EPHA4: variants seen among roughly 807,000 people sequenced by gnomAD.
EPHA4 encodes ephrin type-A receptor 4.
EPHA4 carries 19 observed loss-of-function variants against 108.3 expected under a neutral mutation model. The ratio of observed to expected loss-of-function variants is 0.18; its 90% confidence interval spans 0.12 to 0.26. EPHA4 has a LOEUF of 0.26. Among genes scored for constraint, EPHA4 ranks in the 10% least tolerant of loss-of-function variants. The pLI is 1.00. For synonymous variants in EPHA4, 449 were observed against 455.5 expected (o/e 0.99, Z 0.18); for missense variants, 917 against 1,254.0 (o/e 0.73, Z 4.06).
chr2:221,424,119 G>GTAATAA (rs200318871), intron 17 of EPHA4, among the ~76,000 whole-genome samples: 10 of 145,632 alleles, frequency 6.9e-5, no homozygotes, highest in Non-Finnish European at 1.4e-4. Context: ...GTCTCAAATA[G>GTAATAA]TAATAATAAT....
At chr2:221,429,621 C>T (rs1690012382) in intron 15 of EPHA4, among the ~76,000 whole-genome samples, 1 of 152,120 alleles carries the variant, frequency 6.6e-6, no homozygotes, top group African/African-American at 2.4e-5. Context: ...AAATATAGCA[C>T]CTACTGATCT....
At chr2:221,473,915 T>C (rs913759616) in intron 5 of EPHA4, among the ~76,000 whole-genome samples, 1 of 152,176 alleles carries the variant, frequency 6.6e-6, no homozygotes, top group Non-Finnish European at 1.5e-5. Flanking sequence ...TGTCAAGTGA[T>C]TACTGGTGAA....
intron 3 of EPHA4, among the ~76,000 whole-genome samples, chr2:221,533,604 G>A (rs531926140): frequency 6.6e-6 from 1 of 151,972 alleles, no homozygotes; most frequent in African/African-American, 2.4e-5. Flanking sequence ...CACGCTGAAC[G>A]AGTTCCAGTC....
intron 2 of EPHA4, among the ~76,000 whole-genome samples, chr2:221,566,027 A>G (rs1474232631): frequency 6.6e-6 from 1 of 152,194 alleles, no homozygotes; most frequent in African/African-American, 2.4e-5. Context: ...CCTTAGTTTT[A>G]TATTTCACAG....
chr2:221,563,940 G>A lies in EPHA4; in HGVS notation c.614C>T (p.Pro205Leu). 1.9e-6 allele frequency: 3 copies of A among 1,614,116 alleles called. No individual in the cohort carries two copies. The highest frequency in any genetic ancestry group is 2.5e-6 in the Non-Finnish European group (3 of 1,180,036). ...CTGGGCCAGATTGCGGACTGTGAGT[G>A]GACACTTTTTATAGAACACACGGAC... is the stretch of plus-strand genomic sequence containing the variant. ...VSVRVFYKKC[P>L]LTVRNLAQFP... The change falls in exon 3 of 18, where the codon CCA becomes CTA. Residue 205 changes from proline (P) to leucine (L), a missense_variant. Physicochemically the swap from Pro to Leu is moderately conservative, Grantham distance 98. Transcript: ENST00000281821.
At chr2:221,543,616 G>C (rs1310818863) in intron 3 of EPHA4, among the ~76,000 whole-genome samples, 1 of 152,120 alleles carries the variant, frequency 6.6e-6, no homozygotes, top group African/African-American at 2.4e-5. Context: ...TTTCTATGCT[G>C]TACTTAGCAG....
At chr2:221,518,971 A>T (rs1043794243) in intron 3 of EPHA4, among the ~76,000 whole-genome samples, 1 of 152,118 alleles carries the variant, frequency 6.6e-6, no homozygotes, top group African/African-American at 2.4e-5. Context: ...AAATATTTAG[A>T]TATGAATAAT....
At chr2:221,527,127 G>A (rs1361144497) in intron 3 of EPHA4, among the ~76,000 whole-genome samples, 5 of 151,638 alleles carry the variant, frequency 3.3e-5, no homozygotes, top group Non-Finnish European at 7.4e-5. Flanking sequence ...CTGTCTAAAG[G>A]AAAAAAAAGA....
chr2:221,466,720 G>A (rs1016995734), intron 5 of EPHA4, among the ~76,000 whole-genome samples: 2 of 152,088 alleles, frequency 1.3e-5, no homozygotes, highest in African/African-American at 2.4e-5. Context: ...CTATGAGACA[G>A]GTACTATTAT....
At chr2:221,558,209 T>C (rs754502938) in intron 3 of EPHA4, among the ~76,000 whole-genome samples, 151 of 152,322 alleles carry the variant, frequency 9.9e-4, no homozygotes, top group Non-Finnish European at 2.0e-3. Flanking sequence ...TGTATATGGC[T>C]ATATTTGAGT....
intron 3 of EPHA4, among the ~76,000 whole-genome samples, chr2:221,533,569 C>T (rs1450374398): frequency 2.6e-5 from 4 of 151,984 alleles, no homozygotes; most frequent in Admixed American, 2.0e-4. Flanking sequence ...AAAGTCAATA[C>T]AGCTTCTAAA....
chr2:221,562,504 A>G (rs1158411070), intron 3 of EPHA4, among the ~76,000 whole-genome samples: 4 of 152,226 alleles, frequency 2.6e-5, no homozygotes, highest in African/African-American at 7.2e-5. Context: ...ATGCCAGACA[A>G]ATTGTTTGGC....
chr2:221,541,993 G>C (rs1693853751), intron 3 of EPHA4, among the ~76,000 whole-genome samples: 1 of 152,134 alleles, frequency 6.6e-6, no homozygotes, highest in South Asian at 2.1e-4. Context: ...TACTCTTATT[G>C]CTGAAGAGAA....
chr2:221,483,961 A>G (rs1423072797), intron 4 of EPHA4, among the ~76,000 whole-genome samples: 1 of 152,196 alleles, frequency 6.6e-6, no homozygotes, highest in Non-Finnish European at 1.5e-5. Flanking sequence ...TCAGTTTGAC[A>G]GTTGGAAAGC....
At chr2:221,514,718 G>A (rs1441623192) in intron 3 of EPHA4, among the ~76,000 whole-genome samples, 1 of 151,996 alleles carries the variant, frequency 6.6e-6, no homozygotes, top group Non-Finnish European at 1.5e-5. Context: ...TTGTTTGTCC[G>A]TTTCTCATCC....
chr2:221,445,504 G>A (rs1690563806), intron 9 of EPHA4, among the ~76,000 whole-genome samples: 1 of 151,082 alleles, frequency 6.6e-6, no homozygotes, highest in Non-Finnish European at 1.5e-5. Context: ...GTGGGAGAAT[G>A]GTGTGAACCA....
Position 221,419,926 on chromosome 2 carries a change from C to T in EPHA4, c.*1446G>A, listed in dbSNP as rs3770208. ...ATGGGTAGTCCTAAGCATGAGGCTA[C>T]GCACATACACACACCCGCACACAGA... On this transcript the variant is annotated 3_prime_UTR_variant, in exon 18 of 18. Coordinates refer to ENST00000281821, the MANE Select transcript of EPHA4 (RefSeq NM_004438.5). 0.46 allele frequency: 70,215 copies of T among 152,576 alleles called. 16,761 individuals carry two copies. Among genetic ancestry groups the T allele is most frequent in the African/African-American group, 0.58 (24,172 of 41,448 alleles). The allele number at this position is 152,576 out of a possible 1,614,324, so 9.5% of individuals were successfully genotyped here.
chr2:221,517,139 C>A (rs1693013464), intron 3 of EPHA4, among the ~76,000 whole-genome samples: 1 of 152,092 alleles, frequency 6.6e-6, no homozygotes, highest in Non-Finnish European at 1.5e-5. Context: ...GAGAATAAAC[C>A]TGGTAATATG....
chr2:221,443,153 A>T, intron 10 of EPHA4, 139 bp from the exon 11 acceptor site: 1 of 872,384 alleles, frequency 1.1e-6, no homozygotes, highest in Non-Finnish European at 1.7e-6. Context: ...AAAATCCTCC[A>T]TGCAACCCTG....
Sources: gnomAD v4.1 joint callset for allele counts (sites outside exome capture counted in the v4.1 genomes callset) on GRCh38, gnomAD v4.1.1 for gene constraint, MANE v1.5 for transcripts, NCBI Gene and HGNC (gene_info 2026-07-23, HGNC 2026-07-21) for gene names.